GRXCR1: variants seen among roughly 807,000 people sequenced by gnomAD.
GRXCR1 encodes the protein glutaredoxin domain-containing cysteine-rich protein 1.
Under a neutral mutation model 27.3 loss-of-function variants are expected in GRXCR1, and 27 were observed. The observed-to-expected ratio is 0.99, with a 90% confidence interval of 0.73 to 1.37. The LOEUF (loss-of-function observed/expected upper bound fraction) is 1.37, where lower values mean the gene tolerates loss of function less well. Among genes scored for constraint, GRXCR1 ranks in the 40% most tolerant of loss-of-function variants. The probability of loss-of-function intolerance (pLI) is 0.00; values close to 1 mark genes in which losing one functional copy is unlikely to be tolerated. For missense variants in GRXCR1, 379 were observed against 354.4 expected (o/e 1.07, Z -0.56); for synonymous variants, 122 against 131.1 (o/e 0.93, Z 0.47).
intron 1 of GRXCR1, among the ~76,000 whole-genome samples, chr4:42,897,922 T>C (rs1746384100): frequency 4.1e-5 from 1 of 24,246 alleles, no homozygotes; most frequent in Non-Finnish European, 1.3e-4. Context: ...AAGTTATTAC[T>C]ATTATTATTA....
chr4:42,898,067 CAA>C (rs1746388821), intron 1 of GRXCR1, among the ~76,000 whole-genome samples: 1 of 151,626 alleles, frequency 6.6e-6, no homozygotes, highest in Non-Finnish European at 1.5e-5. Flanking sequence ...TCACAGTTTT[CAA>C]AAGTGTTGTA....
chr4:42,918,529 A>G (rs570498012), intron 1 of GRXCR1, among the ~76,000 whole-genome samples: 201 of 152,228 alleles, frequency 1.3e-3, no homozygotes, highest in Middle Eastern at 3.4e-3. Flanking sequence ...CTCCCTCCAC[A>G]GGTGCCCCTG....
chr4:42,975,791 A>G (rs1249731236), intron 2 of GRXCR1, among the ~76,000 whole-genome samples: 1 of 152,170 alleles, frequency 6.6e-6, no homozygotes, highest in Non-Finnish European at 1.5e-5. Flanking sequence ...CAAAGAAGAA[A>G]TGCAGAAGTA....
intron 1 of GRXCR1, among the ~76,000 whole-genome samples, chr4:42,946,533 T>G (rs10033305): frequency 0.19 from 28,236 of 152,124 alleles, 2,744 homozygotes; most frequent in South Asian, 0.3. Flanking sequence ...TACCCTTGAC[T>G]GGGCAATTTA....
At chr4:42,961,270 T>C (rs899212485) in intron 1 of GRXCR1, among the ~76,000 whole-genome samples, 2 of 152,012 alleles carry the variant, frequency 1.3e-5, no homozygotes, top group African/African-American at 4.8e-5. Context: ...TTTTGGTTGA[T>C]TTCACGTCTT....
rs1398835379 is a variant in GRXCR1, at chr4:43,012,699, T to C, written c.628-7655T>C. The stretch of plus-strand genomic sequence containing the variant: ...ATACCCATTTTACAAATGAGAAAAT[T>C]GAGTCTTTAATAGTTGAAGTTATTT... On this transcript the variant is annotated intron_variant, in intron 2 of 3. Coordinates refer to ENST00000399770, the MANE Select transcript of GRXCR1 (RefSeq NM_001080476.3). Among the ~76,000 whole-genome samples the C allele has an allele frequency of 2.0e-5, 3 of 152,142 alleles. No individual in the cohort carries two copies. The East Asian group carries it at 5.8e-4, about 29-fold the overall frequency.
intron 3 of GRXCR1, among the ~76,000 whole-genome samples, chr4:43,021,670 G>T (rs1042319759): frequency 6.6e-6 from 1 of 152,136 alleles, no homozygotes; most frequent in African/African-American, 2.4e-5. Flanking sequence ...AAACAATAGA[G>T]TATGTTTAGA....
At position 42,892,968 on chromosome 4, in the gene GRXCR1, G is replaced by A. The variant is rs1166269272; in HGVS notation, c.-299G>A. On this transcript the variant is annotated 5_prime_UTR_variant, in exon 1 of 4. Coordinates refer to ENST00000399770, the MANE Select transcript of GRXCR1 (RefSeq NM_001080476.3). ...CCCCATACATATTTTCAGATTCGCT[G>A]CATGCCACTTTCTTGCACTTGTCCT... Among the ~76,000 whole-genome samples, 2 of 152,064 alleles carry A rather than the reference G, an allele frequency of 1.3e-5. No individual in the cohort carries two copies. Among genetic ancestry groups the A allele is most frequent in the Admixed American group, 6.6e-5 (1 of 15,258 alleles).
chr4:43,007,126 A>C (rs185852659), intron 2 of GRXCR1, among the ~76,000 whole-genome samples: 10 of 152,326 alleles, frequency 6.6e-5, no homozygotes, highest in Admixed American at 6.5e-4. Context: ...AATTAGGAAA[A>C]TAAGTTAATT....
chr4:42,971,268 C>A (rs1266655904), intron 2 of GRXCR1, among the ~76,000 whole-genome samples: 1 of 152,150 alleles, frequency 6.6e-6, no homozygotes, highest in African/African-American at 2.4e-5. Context: ...TCTGAGCCCT[C>A]CAAACTGTTC....
intron 2 of GRXCR1, among the ~76,000 whole-genome samples, chr4:43,000,592 G>A (rs936121283): frequency 6.6e-6 from 1 of 151,608 alleles, no homozygotes; most frequent in African/African-American, 2.4e-5. Flanking sequence ...TGTGATGCTG[G>A]AATATTATTA....
intron 2 of GRXCR1, among the ~76,000 whole-genome samples, chr4:42,977,050 A>T (rs780855932): frequency 1.3e-5 from 2 of 152,012 alleles, no homozygotes; most frequent in African/African-American, 2.4e-5. Flanking sequence ...TTCCACATAT[A>T]TCTGAGATCA....
chr4:42,956,669 C>T (rs540483383), intron 1 of GRXCR1, among the ~76,000 whole-genome samples: 2 of 152,110 alleles, frequency 1.3e-5, no homozygotes, highest in South Asian at 4.2e-4. Context: ...CCATATTCAG[C>T]CTCAGTCTCC....
chr4:43,017,012 T>C (rs1221242361), intron 2 of GRXCR1, among the ~76,000 whole-genome samples: 1 of 152,232 alleles, frequency 6.6e-6, no homozygotes, highest in African/African-American at 2.4e-5. Context: ...TTTTAAGTTG[T>C]AAAGTGTTTG....
intron 1 of GRXCR1, 82 bp from the exon 2 acceptor site, chr4:42,962,810 A>G (rs1335776121): frequency 8.5e-6 from 13 of 1,526,002 alleles, no homozygotes; most frequent in African/African-American, 1.4e-5. Flanking sequence ...CATGGCTTTA[A>G]CGCAATTTTT....
At chr4:42,905,280 T>C (rs1016672595) in intron 1 of GRXCR1, among the ~76,000 whole-genome samples, 2 of 152,244 alleles carry the variant, frequency 1.3e-5, no homozygotes, top group Non-Finnish European at 2.9e-5. Context: ...ACATGCCTTG[T>C]GTCTGAGTAT....
At chr4:42,901,250 C>G (rs1026670620) in intron 1 of GRXCR1, among the ~76,000 whole-genome samples, 7 of 152,160 alleles carry the variant, frequency 4.6e-5, no homozygotes, top group African/African-American at 1.7e-4. Flanking sequence ...GCTGCTGAAA[C>G]AAATCAAATC....
intron 2 of GRXCR1, among the ~76,000 whole-genome samples, chr4:42,981,511 A>G (rs949452093): frequency 6.6e-6 from 1 of 152,172 alleles, no homozygotes; most frequent in Admixed American, 6.6e-5. Context: ...TCTGAATTTC[A>G]TGTATACTTT....
intron 1 of GRXCR1, among the ~76,000 whole-genome samples, chr4:42,960,687 G>A (rs373883345): frequency 1.3e-5 from 2 of 150,960 alleles, no homozygotes; most frequent in East Asian, 2.0e-4. Context: ...CAGCAAACTT[G>A]TTAGGTAGCT....
Sources: gnomAD v4.1 joint callset for allele counts (sites outside exome capture counted in the v4.1 genomes callset) on GRCh38, gnomAD v4.1.1 for gene constraint, MANE v1.5 for transcripts, NCBI Gene and HGNC (gene_info 2026-07-23, HGNC 2026-07-21) for gene names.